The following ROR2 variants were observed in gnomAD, a reference collection of about 807,000 sequenced individuals.
ROR2 encodes the protein tyrosine-protein kinase transmembrane receptor ROR2.
In ROR2, 33 loss-of-function variants were observed where a neutral mutation model predicts 74.9. That is an observed-to-expected ratio of 0.44 (90% CI 0.33 to 0.59). The LOEUF (loss-of-function observed/expected upper bound fraction) is 0.59. Among genes scored for constraint, ROR2 ranks in the 20% least tolerant of loss-of-function variants. The pLI is 0.02. For synonymous variants in ROR2, 586 were observed against 558.7 expected, an observed-to-expected ratio of 1.05 and a Z score of -0.69; for missense variants, 1,216 against 1,313.8, an observed-to-expected ratio of 0.93 and a Z score of 1.15.
At chr9:91,755,324 T>C (rs1825712766) in intron 4 of ROR2, among the ~76,000 whole-genome samples, 1 of 152,200 alleles carries the variant, frequency 6.6e-6, no homozygotes, top group Non-Finnish European at 1.5e-5. Context: ...TTACCAACCA[T>C]ATAGTGTTCA....
chr9:91,942,267 A>T (rs1831893612), intron 1 of ROR2, among the ~76,000 whole-genome samples: 1 of 152,082 alleles, frequency 6.6e-6, no homozygotes. Context: ...TGCTCTTGGG[A>T]AGGACGGCAT....
At chr9:91,931,052 AAGG>A (rs1291183349) in intron 1 of ROR2, among the ~76,000 whole-genome samples, 9 of 152,332 alleles carry the variant, frequency 5.9e-5, no homozygotes, top group African/African-American at 2.2e-4. Flanking sequence ...AGGGAGAAAA[AAGG>A]AGGCACTAAA....
At chr9:91,781,834 C>T (rs1054161945) in intron 1 of ROR2, among the ~76,000 whole-genome samples, 1 of 152,240 alleles carries the variant, frequency 6.6e-6, no homozygotes, top group East Asian at 1.9e-4. Context: ...TTGAACTTTG[C>T]TGTGATTCCA....
At chr9:91,911,590 A>T (rs1005212001) in intron 1 of ROR2, among the ~76,000 whole-genome samples, 3 of 152,200 alleles carry the variant, frequency 2.0e-5, no homozygotes, top group Non-Finnish European at 4.4e-5. Context: ...AAGAATTCCA[A>T]TTAGTAAATG....
chr9:91,775,680 A>C, intron 2 of ROR2, 61 bp downstream of exon 2: 1 of 1,516,084 alleles, frequency 6.6e-7, no homozygotes, highest in Non-Finnish European at 9.2e-7. Flanking sequence ...TGGCAGTGCA[A>C]GATGAGCCTC....
At chr9:91,776,892 C>G (rs1826438703) in intron 1 of ROR2, among the ~76,000 whole-genome samples, 1 of 152,136 alleles carries the variant, frequency 6.6e-6, no homozygotes. Flanking sequence ...CAAATAAATA[C>G]ATACCCCAAA....
At chr9:91,816,589 C>T (rs891297753) in intron 1 of ROR2, among the ~76,000 whole-genome samples, 1 of 152,132 alleles carries the variant, frequency 6.6e-6, no homozygotes, top group African/African-American at 2.4e-5. Flanking sequence ...TTCCTGCCCA[C>T]CTGCCAAGGC....
chr9:91,726,807 C>A, intron 7 of ROR2, 64 bp from the exon 8 acceptor site: 1 of 1,519,904 alleles, frequency 6.6e-7, no homozygotes, highest in African/African-American at 1.4e-5. Flanking sequence ...AAGTTCTCTA[C>A]CAACCCACTC....
intron 1 of ROR2, among the ~76,000 whole-genome samples, chr9:91,823,050 C>G (rs772987474): frequency 6.6e-6 from 1 of 151,934 alleles, no homozygotes; most frequent in South Asian, 2.1e-4. Context: ...AAGGTAAGAA[C>G]AAAAAGGAAG....
At chr9:91,735,863 G>A (rs774447189) in intron 5 of ROR2, among the ~76,000 whole-genome samples, 9 of 151,936 alleles carry the variant, frequency 5.9e-5, no homozygotes, top group African/African-American at 1.9e-4. Context: ...TGATTTGCCC[G>A]CCTCAGCCTC....
At chr9:91,791,672 A>G (rs975748038) in intron 1 of ROR2, among the ~76,000 whole-genome samples, 1 of 152,214 alleles carries the variant, frequency 6.6e-6, no homozygotes, top group Non-Finnish European at 1.5e-5. Flanking sequence ...TCGATAACAG[A>G]AGAACTAGAC....
chr9:91,846,135 C>G (rs547291939), intron 1 of ROR2, among the ~76,000 whole-genome samples: 1 of 152,174 alleles, frequency 6.6e-6, no homozygotes, highest in East Asian at 1.9e-4. Context: ...TCTCTCTGGA[C>G]GACCTTGAGA....
At chr9:91,768,837 G>C (rs1388785822) in intron 2 of ROR2, among the ~76,000 whole-genome samples, 1 of 152,136 alleles carries the variant, frequency 6.6e-6, no homozygotes, top group Non-Finnish European at 1.5e-5. Flanking sequence ...TTTCTTCCAA[G>C]ACCATTCAGT....
intron 1 of ROR2, among the ~76,000 whole-genome samples, chr9:91,781,988 A>T (rs182364433): frequency 2.3e-4 from 35 of 152,338 alleles, no homozygotes; most frequent in African/African-American, 7.7e-4. Flanking sequence ...CAGGGGCCAA[A>T]GGAATATTTA....
At chr9:91,809,388 G>C (rs570824824) in intron 1 of ROR2, among the ~76,000 whole-genome samples, 2 of 152,358 alleles carry the variant, frequency 1.3e-5, no homozygotes, top group African/African-American at 4.8e-5. Flanking sequence ...GTGGGCACCA[G>C]GCACACAGCT....
In ROR2 at chr9:91,867,656, C is replaced by CTCTGTGTGTGTGTG. The variant is rs564755026; in HGVS notation, c.97+82210_97+82211insCACACACACACAGA. 1.1e-3 allele frequency among the ~76,000 whole-genome samples: 143 copies of CTCTGTGTGTGTGTG among 131,376 alleles called. 1 individual carries two copies. Among genetic ancestry groups the CTCTGTGTGTGTGTG allele is most frequent in the Admixed American group, 1.4e-3 (18 of 12,856 alleles). 86.2% of individuals were successfully genotyped at this position (131,376 alleles called of 152,430 possible). A position where few individuals can be genotyped will look rare whatever the true frequency, so the allele number is the denominator to read the frequency against. On this transcript the variant is annotated intron_variant, in intron 1 of 8. Coordinates refer to ENST00000375708, the MANE Select transcript of ROR2 (RefSeq NM_004560.4). ...ACAAGTTCCTGAGACCACCCATGAG[C>CTCTGTGTGTGTGTG]TGTGTGTGTGTGTGTGTGTGTGTGT...
intron 1 of ROR2, among the ~76,000 whole-genome samples, chr9:91,930,405 C>T (rs1831519383): frequency 6.6e-6 from 1 of 152,242 alleles, no homozygotes; most frequent in South Asian, 2.1e-4. Flanking sequence ...TCAGCTTAGA[C>T]TGTGTGGTCC....
At position 91,863,107 on chromosome 9, in the gene ROR2, A is replaced by C. The variant is rs190224753; in HGVS notation, c.97+86760T>G. ...GAGGATGTGCAGAAAGTGCAAGCTT[A>C]TATGCTGCTGGTGGGAATGTAAAAT... On this transcript the variant is annotated intron_variant, in intron 1 of 8. Transcript: ENST00000375708. Among the ~76,000 whole-genome samples the C allele has an allele frequency of 2.1e-3, 319 of 152,358 alleles. 4 individuals carry two copies. The highest frequency in any genetic ancestry group is 1.8e-3 in the Non-Finnish European group (125 of 68,030).
rs1156683849 is a variant in ROR2, at chr9:91,847,095, G to C, written c.98-71277C>G. Among the ~76,000 whole-genome samples, 3 of 152,180 alleles carry C rather than the reference G, an allele frequency of 2.0e-5. 1 individual carries two copies. Among genetic ancestry groups the C allele is most frequent in the Middle Eastern group, 6.3e-3 (2 of 316 alleles). On this transcript the variant is annotated intron_variant, in intron 1 of 8. Transcript: ENST00000375708. ...GGCCGGGGGGAAATGGGGGAAGATG[G>C]AGGATGACTACAAGGAGGGAATGTG...
Sources: allele counts gnomAD v4.1 joint callset (sites outside exome capture counted in the v4.1 genomes callset), GRCh38; gene constraint gnomAD v4.1.1; transcripts MANE v1.5; gene names NCBI Gene and HGNC (gene_info 2026-07-23, HGNC 2026-07-21).